GALNT13: variants seen among roughly 807,000 people sequenced by gnomAD.
GALNT13 encodes the protein polypeptide N-acetylgalactosaminyltransferase 13.
In GALNT13, 28 loss-of-function variants were observed where a neutral mutation model predicts 64.2. That is an observed-to-expected ratio of 0.44 (90% CI 0.32 to 0.60). The LOEUF (loss-of-function observed/expected upper bound fraction) is 0.60. Among genes scored for constraint, GALNT13 ranks in the 20% least tolerant of loss-of-function variants. The pLI, the probability that GALNT13 is intolerant of heterozygous loss-of-function variation, is 0.05. For synonymous variants in GALNT13, 214 were observed against 224.6 expected (o/e 0.95, Z 0.42); for missense variants, 577 against 669.8 (o/e 0.86, Z 1.53).
chr2:153,584,786 AG>A, the GALNT13 span, among the ~76,000 whole-genome samples: 3 of 152,188 alleles, frequency 2.0e-5, no homozygotes, highest in Non-Finnish European at 4.4e-5. Context: ...TCCTGCCAAT[AG>A]CAGCACCCTA....
chr2:153,268,298 C>T, the GALNT13 span, among the ~76,000 whole-genome samples: 5 of 152,210 alleles, frequency 3.3e-5, no homozygotes, highest in African/African-American at 1.2e-4. Flanking sequence ...CTACAGGCCT[C>T]ATGCATGTCA....
intron 11 of GALNT13, among the ~76,000 whole-genome samples, chr2:154,416,976 C>T (rs1453542930): frequency 6.6e-6 from 1 of 152,132 alleles, no homozygotes; most frequent in East Asian, 1.9e-4. Flanking sequence ...GTCCTCTAAT[C>T]TCTTTCTTTC....
At chr2:153,360,883 G>A in the GALNT13 span, among the ~76,000 whole-genome samples, 2 of 152,162 alleles carry the variant, frequency 1.3e-5, no homozygotes, top group East Asian at 3.9e-4. Context: ...AAAATGTACT[G>A]TTAAATGGCT....
chr2:154,292,397 T>C (rs1465305268), intron 8 of GALNT13, among the ~76,000 whole-genome samples: 2 of 152,240 alleles, frequency 1.3e-5, no homozygotes, highest in African/African-American at 4.8e-5. Flanking sequence ...TTCTAGATTG[T>C]TGCAATAACT....
At chr2:153,755,578 T>C in the GALNT13 span, among the ~76,000 whole-genome samples, 1 of 152,152 alleles carries the variant, frequency 6.6e-6, no homozygotes, top group Non-Finnish European at 1.5e-5. Context: ...AGGTCCCTTG[T>C]CCAGTTTTAA....
chr2:154,058,848 G>T (rs1289643002), intron 3 of GALNT13, among the ~76,000 whole-genome samples: 1 of 152,092 alleles, frequency 6.6e-6, no homozygotes, highest in Non-Finnish European at 1.5e-5. Flanking sequence ...ACCATTGTAG[G>T]GTTTTAAGGA....
At chr2:153,782,972 A>C in the GALNT13 span, among the ~76,000 whole-genome samples, 1 of 152,124 alleles carries the variant, frequency 6.6e-6, no homozygotes, top group South Asian at 2.1e-4. Context: ...TTCTCTCCCA[A>C]GTTGAACCTT....
At chr2:153,817,978 T>A in the GALNT13 span, among the ~76,000 whole-genome samples, 1 of 152,038 alleles carries the variant, frequency 6.6e-6, no homozygotes, top group Non-Finnish European at 1.5e-5. Context: ...TTTGAGTAAA[T>A]ACCACCTCTT....
At chr2:153,436,009 C>A in the GALNT13 span, among the ~76,000 whole-genome samples, 1 of 152,062 alleles carries the variant, frequency 6.6e-6, no homozygotes, top group African/African-American at 2.4e-5. Context: ...GCCATCAATA[C>A]CTAATTTGTT....
At chr2:153,996,919 T>C (rs1170719632) in intron 3 of GALNT13, among the ~76,000 whole-genome samples, 1 of 152,152 alleles carries the variant, frequency 6.6e-6, no homozygotes, top group Non-Finnish European at 1.5e-5. Flanking sequence ...TTTTCTTTAA[T>C]TGAATGGACT....
the GALNT13 span, among the ~76,000 whole-genome samples, chr2:153,232,219 A>G: frequency 6.6e-6 from 1 of 152,250 alleles, no homozygotes; most frequent in East Asian, 1.9e-4. Flanking sequence ...GATATCCATC[A>G]TGCATAGCAC....
At chr2:154,046,132 A>AC (rs1699270495) in intron 3 of GALNT13, among the ~76,000 whole-genome samples, 1 of 151,898 alleles carries the variant, frequency 6.6e-6, no homozygotes, top group Admixed American at 6.6e-5. Context: ...AAATAGTGAG[A>AC]CCCCATCTCT....
At chr2:153,093,894 T>A in the GALNT13 span, among the ~76,000 whole-genome samples, 1 of 152,166 alleles carries the variant, frequency 6.6e-6, no homozygotes. Flanking sequence ...TTCTTCCTGG[T>A]TCAATCTTGC....
chr2:153,993,737 T>G (rs191303234), intron 3 of GALNT13, among the ~76,000 whole-genome samples: 41 of 151,784 alleles, frequency 2.7e-4, no homozygotes, highest in African/African-American at 9.9e-4. Flanking sequence ...AAATTCTTCT[T>G]GACATATTAG....
At chr2:153,246,676 C>G in the GALNT13 span, among the ~76,000 whole-genome samples, 1 of 152,124 alleles carries the variant, frequency 6.6e-6, no homozygotes, top group African/African-American at 2.4e-5. Context: ...AAAACTGGCA[C>G]CAGCCACTGC....
chr2:153,866,542 G>T, the GALNT13 span, among the ~76,000 whole-genome samples: 1 of 152,022 alleles, frequency 6.6e-6, no homozygotes, highest in East Asian at 1.9e-4. Context: ...ATGATATAAG[G>T]CTTTATGGAT....
the GALNT13 span, among the ~76,000 whole-genome samples, chr2:153,197,906 C>T: frequency 1.3e-5 from 2 of 152,152 alleles, no homozygotes; most frequent in Non-Finnish European, 2.9e-5. Flanking sequence ...GATAGCAGCC[C>T]CAGGCAGGGG....
chr2:153,984,334 T>C lies in GALNT13; in HGVS notation c.142+39695T>C, dbSNP rs933466042. ...TTATGTGTGCAATCTTGTACTTGTA[T>C]TTGAAAGTGTATTTAGGGGCTATAT... On this transcript the variant is annotated intron_variant, in intron 3 of 12. Coordinates refer to ENST00000392825, the MANE Select transcript of GALNT13 (RefSeq NM_052917.4). Among the ~76,000 whole-genome samples, 4 of 151,754 alleles carry C rather than the reference T, an allele frequency of 2.6e-5. No individual in the cohort carries two copies. The East Asian group carries it at 7.7e-4, about 29-fold the overall frequency.
At chr2:153,359,531 TG>T in the GALNT13 span, among the ~76,000 whole-genome samples, 1 of 145,438 alleles carries the variant, frequency 6.9e-6, no homozygotes, top group African/African-American at 2.5e-5. Flanking sequence ...CACAAACAAT[TG>T]GCTGAAAATA....
Sources: allele counts gnomAD v4.1 joint callset (sites outside exome capture counted in the v4.1 genomes callset), GRCh38; gene constraint gnomAD v4.1.1; transcripts MANE v1.5; gene names NCBI Gene and HGNC (gene_info 2026-07-23, HGNC 2026-07-21).